OCA2: variants seen among roughly 807,000 people sequenced by gnomAD.
OCA2 encodes the protein P protein.
Under a neutral mutation model 100.2 loss-of-function variants are expected in OCA2, and 77 were observed. The ratio of observed to expected loss-of-function variants is 0.77; its 90% confidence interval spans 0.64 to 0.93. The LOEUF (loss-of-function observed/expected upper bound fraction) is 0.93. Among genes scored for constraint, OCA2 ranks in the 40% least tolerant of loss-of-function variants. The pLI, the probability that OCA2 is intolerant of heterozygous loss-of-function variation, is 0.00. For synonymous variants in OCA2, 432 were observed against 439.2 expected (o/e 0.98, Z 0.21); for missense variants, 1,062 against 1,089.1 (o/e 0.98, Z 0.35).
At position 27,957,858 on chromosome 15, in the gene OCA2, C is replaced by T; in HGVS notation, c.1637-123G>A. 4.6e-6 allele frequency: 5 copies of T among 1,078,802 alleles called. No individual in the cohort carries two copies. Among genetic ancestry groups the T allele is most frequent in the East Asian group, 5.0e-5 (2 of 39,702 alleles). 66.8% of individuals were successfully genotyped at this position (1,078,802 alleles called of 1,614,324 possible). A position where few individuals can be genotyped will look rare whatever the true frequency, so the allele number is the denominator to read the frequency against. ...ACACACACTCGAGACGTGCAGGTAG[C>T]CCAGGGTCACCCAGAGCTTCTCAGC... is the stretch of plus-strand genomic sequence containing the variant. On this transcript the variant is annotated intron_variant, in intron 15 of 23. Coordinates refer to ENST00000354638, the MANE Select transcript of OCA2 (RefSeq NM_000275.3). This position sits in a 1 kb window ranked among gnomAD's most constrained non-coding sequence, Gnocchi z 4.3.
At chr15:27,857,665 AT>A (rs1417253739) in intron 21 of OCA2, among the ~76,000 whole-genome samples, 25 of 152,198 alleles carry the variant, frequency 1.6e-4, no homozygotes, top group Admixed American at 1.4e-3. Context: ...AAGAAAAAAA[AT>A]AAATAAACAG....
At chr15:27,833,230 C>T (rs2035029143) in intron 23 of OCA2, among the ~76,000 whole-genome samples, 2 of 152,334 alleles carry the variant, frequency 1.3e-5, no homozygotes, top group African/African-American at 2.4e-5. Context: ...TTCAAAATAG[C>T]ATATCCTATA....
chr15:27,809,229 C>A (rs2033981449), intron 23 of OCA2, among the ~76,000 whole-genome samples: 1 of 152,222 alleles, frequency 6.6e-6, no homozygotes, highest in Non-Finnish European at 1.5e-5. Flanking sequence ...ACTTTGGGAA[C>A]ACTGGCATTC....
intron 3 of OCA2, among the ~76,000 whole-genome samples, chr15:28,029,080 A>G (rs79551836): frequency 0.012 from 1,816 of 152,322 alleles, 18 homozygotes; most frequent in Middle Eastern, 0.031. Context: ...CAGAATTTTC[A>G]TGTATCATAT....
intron 1 of OCA2, among the ~76,000 whole-genome samples, chr15:28,094,730 G>A (rs2044938123): frequency 6.6e-6 from 1 of 152,172 alleles, no homozygotes; most frequent in Non-Finnish European, 1.5e-5. Flanking sequence ...GTGGGCCCGG[G>A]CCCCTCCTGC....
At chr15:28,077,278 C>T (rs952571984) in intron 2 of OCA2, among the ~76,000 whole-genome samples, 35 of 152,172 alleles carry the variant, frequency 2.3e-4, no homozygotes, top group Non-Finnish European at 4.3e-4. Context: ...AGGCTGGTCT[C>T]GAACTCCTGA....
chr15:27,812,288 A>C (rs924795012), intron 23 of OCA2, among the ~76,000 whole-genome samples: 4 of 152,226 alleles, frequency 2.6e-5, no homozygotes, highest in African/African-American at 9.6e-5. Context: ...TGATTCTAAG[A>C]TTGTAAGTGG....
chr15:27,836,765 A>G (rs2035168831), intron 23 of OCA2, among the ~76,000 whole-genome samples: 1 of 152,262 alleles, frequency 6.6e-6, no homozygotes, highest in Non-Finnish European at 1.5e-5. Flanking sequence ...ATCCCTTTGA[A>G]TCACACTGAA....
chr15:27,783,327 T>A (rs1020307774), intron 23 of OCA2, among the ~76,000 whole-genome samples: 1 of 152,218 alleles, frequency 6.6e-6, no homozygotes, highest in Non-Finnish European at 1.5e-5. Flanking sequence ...ACACTTTGAT[T>A]TAGTGAATAT....
At chr15:28,007,347 A>G (rs1293736483) in intron 9 of OCA2, among the ~76,000 whole-genome samples, 2 of 152,232 alleles carry the variant, frequency 1.3e-5, no homozygotes. Flanking sequence ...CTGCATTGGG[A>G]AATCTCCCAG....
At chr15:27,968,317 G>C (rs2040648639) in intron 14 of OCA2, among the ~76,000 whole-genome samples, 1 of 151,638 alleles carries the variant, frequency 6.6e-6, no homozygotes, top group Admixed American at 6.6e-5. Flanking sequence ...AAGGGGGTCA[G>C]AGGCACAGTG....
intron 13 of OCA2, 101 bp from the exon 14 acceptor site, chr15:27,983,584 GGC>G: frequency 8.0e-7 from 1 of 1,245,208 alleles, no homozygotes; most frequent in South Asian, 1.2e-5. Context: ...GTATAAGGGA[GGC>G]GCGCACACAC....
chr15:27,721,418 G>A, the OCA2 span, among the ~76,000 whole-genome samples: 5 of 152,050 alleles, frequency 3.3e-5, no homozygotes, highest in Admixed American at 6.5e-5. Context: ...CACATTATAC[G>A]TGACACTACA....
chr15:27,825,742 G>C (rs539538322), intron 23 of OCA2, among the ~76,000 whole-genome samples: 252 of 152,222 alleles, frequency 1.7e-3, no homozygotes, highest in African/African-American at 6.0e-3. Context: ...TTCCTCTGAG[G>C]CTCCTCGCAG....
chr15:28,055,902 G>A (rs2043678889), intron 2 of OCA2, among the ~76,000 whole-genome samples: 1 of 152,202 alleles, frequency 6.6e-6, no homozygotes, highest in African/African-American at 2.4e-5. Context: ...GGAGGAGACA[G>A]CAAGTGGTCA....
intron 15 of OCA2, among the ~76,000 whole-genome samples, chr15:27,962,882 T>C (rs2040451077): frequency 6.6e-6 from 1 of 152,146 alleles, no homozygotes; most frequent in Admixed American, 6.5e-5. Context: ...GATGCTAATA[T>C]ATGCTGCTTA....
At chr15:27,882,655 T>C (rs897753736) in intron 19 of OCA2, among the ~76,000 whole-genome samples, 1 of 152,222 alleles carries the variant, frequency 6.6e-6, no homozygotes, top group East Asian at 1.9e-4. Flanking sequence ...TGTTAAAATA[T>C]GTAAACTCTG....
chr15:27,733,551 A>G, the OCA2 span, among the ~76,000 whole-genome samples: 1 of 151,388 alleles, frequency 6.6e-6, no homozygotes, highest in East Asian at 2.0e-4. Flanking sequence ...CATCAGAACC[A>G]CTCCAGGCCC....
chr15:27,811,981 T>C (rs924916970), intron 23 of OCA2, among the ~76,000 whole-genome samples: 1 of 152,240 alleles, frequency 6.6e-6, no homozygotes, highest in Non-Finnish European at 1.5e-5. Context: ...AGAATCACTT[T>C]ATTTTTATTT....
Sources: gnomAD v4.1 joint callset for allele counts (sites outside exome capture counted in the v4.1 genomes callset) on GRCh38, gnomAD v4.1.1 for gene constraint, Gnocchi (gnomAD v3.1) non-coding constraint, MANE v1.5 for transcripts, NCBI Gene and HGNC (gene_info 2026-07-23, HGNC 2026-07-21) for gene names.